The following FAM53A variants were observed in gnomAD, a reference collection of about 807,000 sequenced individuals.
The protein encoded by FAM53A is family with sequence similarity 53 member A.
FAM53A carries 28 observed loss-of-function variants against 26.6 expected under a neutral mutation model. The ratio of observed to expected loss-of-function variants is 1.05; its 90% CI spans 0.78 to 1.45. FAM53A has a LOEUF of 1.45. Among genes scored for constraint, FAM53A ranks in the 40% most tolerant of loss-of-function variants. FAM53A has a pLI of 0.00. For synonymous variants in FAM53A, 290 were observed against 253.1 expected, an observed-to-expected ratio of 1.15 and a Z score of -1.38; for missense variants, 650 against 575.8, an observed-to-expected ratio of 1.13 and a Z score of -1.32.
At chr4:1,656,821 C>A (rs1196982234) in intron 3 of FAM53A, among the ~76,000 whole-genome samples, 1 of 152,156 alleles carries the variant, frequency 6.6e-6, no homozygotes, top group Non-Finnish European at 1.5e-5. Context: ...GGGCGCTGGG[C>A]GTGTCACAGT....
At chr4:1,595,345 C>T in the FAM53A span, among the ~76,000 whole-genome samples, 2 of 152,214 alleles carry the variant, frequency 1.3e-5, no homozygotes, top group Non-Finnish European at 2.9e-5. Flanking sequence ...CCAGGACAGG[C>T]TCCCCACATC....
At chr4:1,624,754 C>G (rs902154525) in intron 1 of FAM53A, among the ~76,000 whole-genome samples, 2 of 152,234 alleles carry the variant, frequency 1.3e-5, no homozygotes, top group South Asian at 2.1e-4. Context: ...CGCCAGATGA[C>G]AGCAAAGCTC....
At chr4:1,642,882 C>T (rs1439085078) in intron 4 of FAM53A, among the ~76,000 whole-genome samples, 1 of 152,224 alleles carries the variant, frequency 6.6e-6, no homozygotes, top group East Asian at 1.9e-4. Context: ...TGTGAGGGCA[C>T]GTGGGTGCCA....
chr4:1,652,326 C>CATACACACACGCT (rs1404900268), intron 4 of FAM53A, among the ~76,000 whole-genome samples: 3 of 142,416 alleles, frequency 2.1e-5, no homozygotes, highest in African/African-American at 8.1e-5. Flanking sequence ...TCACACACAC[C>CATACACACACGCT]ATACACACAC....
At chr4:1,622,642 G>A (rs1362376545) in intron 1 of FAM53A, among the ~76,000 whole-genome samples, 1 of 152,250 alleles carries the variant, frequency 6.6e-6, no homozygotes, top group African/African-American at 2.4e-5. Flanking sequence ...TCTGGCGGGG[G>A]CTGTGAGGGG....
chr4:1,618,062 G>A (rs1442088149), exon 2 of FAM53A: 1 of 456,376 alleles, frequency 2.2e-6, no homozygotes, highest in Admixed American at 2.3e-5. Flanking sequence ...AAGATGGAGG[G>A]CCGTGCTATG....
chr4:1,634,908 A>G (rs111906182), downstream of FAM53A, among the ~76,000 whole-genome samples: 1 of 151,970 alleles, frequency 6.6e-6, no homozygotes, highest in Non-Finnish European at 1.5e-5. Context: ...CTCAAAAAAA[A>G]AAAAATAAAA....
chr4:1,682,676 C>G (rs1462082443), intron 1 of FAM53A, among the ~76,000 whole-genome samples: 2 of 152,024 alleles, frequency 1.3e-5, no homozygotes, highest in African/African-American at 4.8e-5. Flanking sequence ...CGGATTAGAG[C>G]CTCTTCCTAT....
At chr4:1,612,490 C>T in the FAM53A span, among the ~76,000 whole-genome samples, 3 of 152,180 alleles carry the variant, frequency 2.0e-5, no homozygotes, top group East Asian at 5.8e-4. Flanking sequence ...CGCGCACACA[C>T]ACACATGCTC....
the FAM53A span, among the ~76,000 whole-genome samples, chr4:1,608,111 C>T: frequency 6.6e-6 from 1 of 152,070 alleles, no homozygotes; most frequent in African/African-American, 2.4e-5. Flanking sequence ...AACTTTGTCT[C>T]AGAAAAATAA....
At chr4:1,670,545 C>T (rs1714566086) in intron 1 of FAM53A, among the ~76,000 whole-genome samples, 1 of 152,222 alleles carries the variant, frequency 6.6e-6, no homozygotes, top group African/African-American at 2.4e-5. Context: ...CACACCACAT[C>T]AGCTAAAGGC....
chr4:1,615,802 A>T (rs1332520696), downstream of FAM53A, among the ~76,000 whole-genome samples: 1 of 152,268 alleles, frequency 6.6e-6, no homozygotes, highest in Admixed American at 6.5e-5. Flanking sequence ...CAGAATCCGA[A>T]CAAGGGATTG....
At chr4:1,624,327 G>C (rs938083884) in intron 1 of FAM53A, among the ~76,000 whole-genome samples, 1 of 152,194 alleles carries the variant, frequency 6.6e-6, no homozygotes, top group Non-Finnish European at 1.5e-5. Context: ...CAGGCGCTGT[G>C]TCAAGGGAGA....
chr4:1,602,734 G>A, the FAM53A span, among the ~76,000 whole-genome samples: 10 of 152,312 alleles, frequency 6.6e-5, no homozygotes, highest in South Asian at 2.1e-3. Flanking sequence ...AGGTACGACA[G>A]TGGCAAGTGC....
the FAM53A span, among the ~76,000 whole-genome samples, chr4:1,590,602 G>A: frequency 1.7e-3 from 255 of 152,064 alleles, 1 homozygote; most frequent in Middle Eastern, 6.8e-3. Flanking sequence ...TTCAAGCCCT[G>A]TTGGTGTGTA....
chr4:1,669,348 C>T (rs1409023936), intron 1 of FAM53A, among the ~76,000 whole-genome samples: 1 of 152,254 alleles, frequency 6.6e-6, no homozygotes, highest in Non-Finnish European at 1.5e-5. Flanking sequence ...GCAAGCGCTC[C>T]ACACTGAAGC....
At chr4:1,603,393 C>G in the FAM53A span, among the ~76,000 whole-genome samples, 1 of 152,204 alleles carries the variant, frequency 6.6e-6, no homozygotes, top group Non-Finnish European at 1.5e-5. Context: ...GCAGAGCCGA[C>G]CACAGCAACA....
At chr4:1,594,123 G>A in the FAM53A span, among the ~76,000 whole-genome samples, 1 of 152,216 alleles carries the variant, frequency 6.6e-6, no homozygotes, top group African/African-American at 2.4e-5. Context: ...CAGCCAAGCC[G>A]GAGCCTCCTC....
intron 1 of FAM53A, among the ~76,000 whole-genome samples, chr4:1,678,099 C>T (rs188129888): frequency 3.9e-4 from 60 of 152,288 alleles, no homozygotes; most frequent in Non-Finnish European, 2.2e-4. Context: ...TGCCCAGGCA[C>T]AGCGGCTCAC....
Sources: allele counts gnomAD v4.1 joint callset (sites outside exome capture counted in the v4.1 genomes callset), GRCh38; gene constraint gnomAD v4.1.1; transcripts MANE v1.5; gene names NCBI Gene and HGNC (gene_info 2026-07-23, HGNC 2026-07-21).